The following PCSK5 variants were observed in gnomAD, a reference collection of about 807,000 sequenced individuals.
PCSK5 encodes the protein prohormone convertase 5.
A neutral mutation model predicts 233.2 loss-of-function variants in PCSK5; 129 were observed. That is an observed-to-expected ratio of 0.55 (90% CI 0.48 to 0.64). PCSK5 has a LOEUF of 0.64. PCSK5 is among the 30% of genes least tolerant of loss of function. PCSK5 has a pLI of 0.00. For synonymous variants in PCSK5, 825 were observed against 879.2 expected (o/e 0.94, Z 1.09); for missense variants, 2,076 against 2,430.1 (o/e 0.85, Z 3.06).
intron 20 of PCSK5, among the ~76,000 whole-genome samples, chr9:76,190,398 A>G (rs1380915856): frequency 6.6e-6 from 1 of 151,558 alleles, no homozygotes; most frequent in Non-Finnish European, 1.5e-5. Flanking sequence ...TTGGAATTAT[A>G]CAATATGTAG....
At chr9:76,120,497 A>G (rs1469388525) in intron 9 of PCSK5, among the ~76,000 whole-genome samples, 2 of 152,110 alleles carry the variant, frequency 1.3e-5, no homozygotes, top group Non-Finnish European at 2.9e-5. Flanking sequence ...ATATTAATGT[A>G]TCAGACTTGT....
At chr9:76,059,059 C>CATTTAATATTAAATAGCATATTAAT (rs1457284839) in intron 5 of PCSK5, among the ~76,000 whole-genome samples, 1 of 152,062 alleles carries the variant, frequency 6.6e-6, no homozygotes, top group Non-Finnish European at 1.5e-5. Context: ...TATTAAATAG[C>CATTTAATATTAAATAGCATATTAAT]AGATTAGTCA....
intron 27 of PCSK5, among the ~76,000 whole-genome samples, chr9:76,298,705 C>A (rs1347897395): frequency 6.6e-6 from 1 of 152,120 alleles, no homozygotes; most frequent in Admixed American, 6.5e-5. Flanking sequence ...AGAGAACAAG[C>A]ACTAATTAGC....
intron 24 of PCSK5, among the ~76,000 whole-genome samples, chr9:76,264,822 T>A (rs1387155877): frequency 6.6e-6 from 1 of 152,156 alleles, no homozygotes; most frequent in African/African-American, 2.4e-5. Context: ...ACTTTGGAGA[T>A]TTCTCAAAGA....
intron 7 of PCSK5, among the ~76,000 whole-genome samples, chr9:76,076,169 A>G (rs764370940): frequency 2.0e-5 from 3 of 152,206 alleles, no homozygotes; most frequent in Admixed American, 6.5e-5. Context: ...AAAGAACCCC[A>G]GGTAGGGAAA....
At chr9:76,204,503 C>T (rs924192941) in intron 20 of PCSK5, among the ~76,000 whole-genome samples, 2 of 151,716 alleles carry the variant, frequency 1.3e-5, no homozygotes, top group South Asian at 2.1e-4. Flanking sequence ...ACTCTCTCCC[C>T]CCTTCTCTGG....
intron 13 of PCSK5, among the ~76,000 whole-genome samples, chr9:76,172,101 C>T (rs1823355937): frequency 6.6e-6 from 1 of 152,050 alleles, no homozygotes; most frequent in Non-Finnish European, 1.5e-5. Context: ...AGACTCATCC[C>T]CTAATATAGA....
chr9:76,205,587 T>G (rs1825083479), intron 20 of PCSK5, among the ~76,000 whole-genome samples: 1 of 152,178 alleles, frequency 6.6e-6, no homozygotes, highest in South Asian at 2.1e-4. Context: ...TCTTATAAGC[T>G]CCAAGGAATG....
chr9:76,278,141 T>A (rs1827749276), intron 24 of PCSK5, among the ~76,000 whole-genome samples: 1 of 152,168 alleles, frequency 6.6e-6, no homozygotes, highest in African/African-American at 2.4e-5. Flanking sequence ...TATAGAGACT[T>A]GTTTAAGAAT....
intron 3 of PCSK5, 50 bp downstream of exon 3, chr9:75,986,295 G>A (rs1297564972): frequency 9.6e-7 from 1 of 1,042,408 alleles, no homozygotes; most frequent in South Asian, 1.3e-5. Flanking sequence ...CCGGTTTTGT[G>A]TTGTATGCAG....
At chr9:76,175,763 A>T (rs1345078152) in intron 14 of PCSK5, among the ~76,000 whole-genome samples, 1 of 152,180 alleles carries the variant, frequency 6.6e-6, no homozygotes, top group East Asian at 1.9e-4. Context: ...TAAAGAGAAA[A>T]AAAAGTAAAA....
At chr9:76,018,954 G>A (rs775220728) in intron 3 of PCSK5, among the ~76,000 whole-genome samples, 5 of 152,042 alleles carry the variant, frequency 3.3e-5, no homozygotes, top group South Asian at 2.1e-4. Context: ...CTTGTTTTTG[G>A]CCCTGCTCTA....
At position 76,345,147 on chromosome 9, in the gene PCSK5, AT is replaced by A. The variant is rs546224611; in HGVS notation, c.4967-5678del. The stretch of plus-strand genomic sequence containing the variant: ...CCACTCCTTCTCTCCCTGCTCTTGT[AT>A]TTCCCAGTGTCTATTGTTCCCTTAT... On this transcript the variant is annotated intron_variant, in intron 35 of 37. Coordinates refer to ENST00000674117, the MANE Select transcript of PCSK5 (RefSeq NM_001372043.1). Among the ~76,000 whole-genome samples, 191 of 151,790 alleles carry A rather than the reference AT, an allele frequency of 1.3e-3. No homozygotes were observed. In the Middle Eastern group the frequency reaches 0.017, roughly 14 times the overall value.
chr9:76,226,043 C>T (rs1002462717), intron 20 of PCSK5, among the ~76,000 whole-genome samples: 2 of 152,192 alleles, frequency 1.3e-5, no homozygotes, highest in African/African-American at 4.8e-5. Context: ...GTAAGAATCA[C>T]AGTCCCATTC....
chr9:76,227,379 C>T, intron 20 of PCSK5, 124 bp from the exon 21 acceptor site: 1 of 669,212 alleles, frequency 1.5e-6, no homozygotes, highest in African/African-American at 1.8e-5. Flanking sequence ...CATTCAGGGC[C>T]TCTCCTCTCT....
intron 10 of PCSK5, among the ~76,000 whole-genome samples, chr9:76,145,955 C>G (rs902909435): frequency 2.0e-5 from 3 of 152,118 alleles, no homozygotes; most frequent in African/African-American, 4.8e-5. Context: ...GCACCTAGCA[C>G]TATAAAGTGA....
intron 24 of PCSK5, among the ~76,000 whole-genome samples, chr9:76,258,498 C>G (rs569766553): frequency 5.3e-5 from 8 of 152,156 alleles, no homozygotes; most frequent in Non-Finnish European, 8.8e-5. Flanking sequence ...TTGTGTTCAG[C>G]AGAAATACAG....
At chr9:76,192,942 CTTGTG>C (rs1398037595) in intron 20 of PCSK5, among the ~76,000 whole-genome samples, 2 of 150,056 alleles carry the variant, frequency 1.3e-5, no homozygotes, top group African/African-American at 4.9e-5. Flanking sequence ...AAATTTCTTG[CTTGTG>C]TTATTAATTG....
chr9:76,013,449 T>C (rs759551423), intron 3 of PCSK5, among the ~76,000 whole-genome samples: 15 of 152,058 alleles, frequency 9.9e-5, no homozygotes, highest in Admixed American at 6.6e-4. Flanking sequence ...GTTTCAGGGG[T>C]TGACTTAAGG....
Sources: allele counts gnomAD v4.1 joint callset (sites outside exome capture counted in the v4.1 genomes callset), GRCh38; gene constraint gnomAD v4.1.1; transcripts MANE v1.5; gene names NCBI Gene and HGNC (gene_info 2026-07-23, HGNC 2026-07-21).